SETD2: variants seen among roughly 807,000 people sequenced by gnomAD.
SETD2 encodes SET domain containing 2, histone lysine methyltransferase.
A neutral mutation model predicts 242.1 loss-of-function variants in SETD2; 31 were observed. The observed-to-expected ratio is 0.13, with a 90% CI of 0.10 to 0.17. SETD2 has a LOEUF of 0.17. Among genes scored for constraint, SETD2 ranks in the 10% least tolerant of loss-of-function variants. SETD2 has a pLI of 1.00. For synonymous variants in SETD2, 1,006 were observed against 1,066.5 expected, an observed-to-expected ratio of 0.94 and a Z score of 1.11; for missense variants, 2,481 against 3,046.3, an observed-to-expected ratio of 0.81 and a Z score of 4.37.
At position 47,123,206 on chromosome 3, in the gene SETD2, G is replaced by A. The variant is rs2106697943; in HGVS notation, c.1430C>T (p.Ser477Phe). 6.3e-7 allele frequency: 1 copy of A among 1,581,350 alleles called. No homozygotes were observed. Among genetic ancestry groups the A allele is most frequent in the South Asian group, 1.1e-5 (1 of 88,204 alleles). The part of the protein sequence containing the change: ...KTYSRRTSSH[S>F]SSYRDLRTSS... ...TGTCCTTAGGTCTCTGTAAGAAGAG[G>A]AATGAGATGAGGTACGCCTTGAGTA... Residue 477 changes from serine (S) to phenylalanine (F), a missense_variant, in exon 3 of 21, where the codon TCC (serine) becomes TTC (phenylalanine). Ser to Phe is a radical substitution (Grantham distance 155). Around this residue, in one of 17 missense-constraint regions of SETD2, gnomAD observed 1,300 missense variants for 1,259.2 expected, o/e 1.03. Coordinates refer to ENST00000409792, the MANE Select transcript of SETD2 (RefSeq NM_014159.7).
chr3:47,155,873 C>A (rs1282513132), intron 1 of SETD2, among the ~76,000 whole-genome samples: 1 of 151,934 alleles, frequency 6.6e-6, no homozygotes, highest in Non-Finnish European at 1.5e-5. Context: ...ACATTCTAAC[C>A]TGATTTCAGT....
chr3:47,022,193 TCACA>T (rs55972218), intron 18 of SETD2, among the ~76,000 whole-genome samples: 7,278 of 130,964 alleles, frequency 0.056, 216 homozygotes, highest in Non-Finnish European at 0.066. Context: ...CAACAATCTG[TCACA>T]CACACACACA....
intron 9 of SETD2, among the ~76,000 whole-genome samples, chr3:47,090,020 G>A (rs1489994611): frequency 6.6e-6 from 1 of 152,128 alleles, no homozygotes; most frequent in Non-Finnish European, 1.5e-5. Flanking sequence ...GGCCAAGACA[G>A]GCGGATCACC....
chr3:47,032,480 C>T (rs1206423854), intron 18 of SETD2, among the ~76,000 whole-genome samples: 1 of 149,084 alleles, frequency 6.7e-6, no homozygotes, highest in Non-Finnish European at 1.5e-5. Context: ...TGAACCATGG[C>T]TCAAAAAAAT....
chr3:47,133,243 G>A (rs1333467640), intron 1 of SETD2, among the ~76,000 whole-genome samples: 5 of 152,116 alleles, frequency 3.3e-5, no homozygotes, highest in Admixed American at 3.3e-4. Flanking sequence ...TTTTTGTAGA[G>A]ACAGGGGTCT....
intron 1 of SETD2, chr3:47,157,616 G>A (rs1264069642): frequency 3.1e-5 from 14 of 449,022 alleles, no homozygotes; most frequent in Non-Finnish European, 8.9e-6. Flanking sequence ...GCTCATGCCT[G>A]TAATCCCAGC....
chr3:47,111,785 T>C (rs2042661181), intron 5 of SETD2, among the ~76,000 whole-genome samples: 1 of 151,006 alleles, frequency 6.6e-6, no homozygotes, highest in South Asian at 2.1e-4. Context: ...TATCAAAAGA[T>C]ATATGAGGAT....
chr3:47,114,092 A>C, intron 4 of SETD2, 88 bp from the exon 5 acceptor site: 1 of 1,308,646 alleles, frequency 7.6e-7, no homozygotes, highest in South Asian at 1.4e-5. Flanking sequence ...ATAACTACAT[A>C]TATACATACT....
At chr3:47,028,075 G>T (rs1002153344) in intron 18 of SETD2, among the ~76,000 whole-genome samples, 5 of 152,142 alleles carry the variant, frequency 3.3e-5, no homozygotes, top group Non-Finnish European at 5.9e-5. Flanking sequence ...GGTCATGACA[G>T]ATTAACTGTT....
rs1383483450 is a variant in SETD2, at chr3:47,122,153, T to C, written c.2483A>G (p.His828Arg). 41 of 1,613,844 alleles carry C rather than the reference T, an allele frequency of 2.5e-5. No individual in the cohort carries two copies. Among genetic ancestry groups the C allele is most frequent in the Non-Finnish European group, 3.3e-5 (39 of 1,179,884 alleles). The change falls in exon 3 of 21, where the codon CAT (histidine) becomes CGT (arginine). Residue 828 changes from histidine (H) to arginine (R), a missense_variant. Physicochemically the swap from His to Arg is conservative, Grantham distance 29. Around this residue, in one of 17 missense-constraint regions of SETD2, gnomAD observed 1,300 missense variants for 1,259.2 expected, o/e 1.03. Coordinates refer to ENST00000409792, the MANE Select transcript of SETD2 (RefSeq NM_014159.7). ...ACATATAACTGGTTTTGATTCCAAA[T>C]GCACATTCATAAAGCTATTTGAAGA... ...KISSNSFMNV[H>R]LESKPVICDS...
chr3:47,073,995 C>T (rs1157976043), intron 12 of SETD2, among the ~76,000 whole-genome samples: 2 of 152,214 alleles, frequency 1.3e-5, no homozygotes, highest in East Asian at 3.8e-4. Flanking sequence ...ACTTAGCCAA[C>T]ATGCATATTC....
intron 15 of SETD2, among the ~76,000 whole-genome samples, chr3:47,055,175 A>G (rs533990252): frequency 6.6e-6 from 1 of 152,386 alleles, no homozygotes; most frequent in South Asian, 2.1e-4. Context: ...GGGTTTTAGT[A>G]ATTAAAACAG....
At chr3:47,098,377 G>A in intron 8 of SETD2, 1 of 217,414 alleles carries the variant, frequency 4.6e-6, no homozygotes, top group Non-Finnish European at 9.2e-6. Context: ...TCATATACAT[G>A]TTTGGATTAA....
At chr3:47,036,593 T>A (rs139116747) in intron 18 of SETD2, among the ~76,000 whole-genome samples, 4 of 151,922 alleles carry the variant, frequency 2.6e-5, no homozygotes, top group Middle Eastern at 3.4e-3. Context: ...GCATATGTTA[T>A]GGGCACTAAC....
chr3:47,099,228 T>G (rs2042116166), intron 8 of SETD2, among the ~76,000 whole-genome samples: 1 of 152,212 alleles, frequency 6.6e-6, no homozygotes, highest in Non-Finnish European at 1.5e-5. Flanking sequence ...AACCTCATCA[T>G]ATGGTAGCAT....
At chr3:47,055,829 G>T (rs1007287717) in intron 15 of SETD2, among the ~76,000 whole-genome samples, 2 of 151,348 alleles carry the variant, frequency 1.3e-5, no homozygotes, top group African/African-American at 4.9e-5. Flanking sequence ...TGGCTAACAC[G>T]GCGAAACCCC....
chr3:47,103,530 G>A, intron 6 of SETD2, 107 bp from the exon 7 acceptor site: 1 of 852,642 alleles, frequency 1.2e-6, no homozygotes, highest in South Asian at 1.5e-5. Flanking sequence ...AAAAAAGATT[G>A]TGCTGCGAAA....
At chr3:47,147,553 A>C (rs1203816873) in intron 1 of SETD2, among the ~76,000 whole-genome samples, 1 of 151,106 alleles carries the variant, frequency 6.6e-6, no homozygotes, top group East Asian at 2.0e-4. Context: ...ATGTCAGGTG[A>C]TCCACCTGCC....
chr3:47,076,374 T>C (rs1223510194), intron 12 of SETD2, among the ~76,000 whole-genome samples: 3 of 152,152 alleles, frequency 2.0e-5, no homozygotes, highest in Non-Finnish European at 2.9e-5. Flanking sequence ...AACAGTGTAA[T>C]GGTGAGCCAT....
Sources: gnomAD v4.1 joint callset for allele counts (sites outside exome capture counted in the v4.1 genomes callset) on GRCh38, gnomAD v4.1.1 for gene constraint, gnomAD v4.1.1 regional missense constraint, MANE v1.5 for transcripts, NCBI Gene and HGNC (gene_info 2026-07-23, HGNC 2026-07-21) for gene names.